The following PCDHA5 variants were observed in gnomAD, a reference collection of about 807,000 sequenced individuals.
PCDHA5 encodes protocadherin alpha 5.
A neutral mutation model predicts 61.6 loss-of-function variants in PCDHA5; 43 were observed. The ratio of observed to expected loss-of-function variants is 0.70; its 90% CI spans 0.55 to 0.90. The LOEUF (loss-of-function observed/expected upper bound fraction) is 0.90, where lower values mean the gene tolerates loss of function less well. Ranked by LOEUF, PCDHA5 falls within the 40% of genes least tolerant of loss-of-function variation. PCDHA5 has a pLI of 0.00. For synonymous variants in PCDHA5, 627 were observed against 543.9 expected (o/e 1.15, Z -2.13); for missense variants, 1,298 against 1,222.7 (o/e 1.06, Z -0.92).
chr5:140,876,312 G>C (rs557901977), intron 1 of PCDHA5: 1 of 1,614,036 alleles, frequency 6.2e-7, no homozygotes. Context: ...TTTCCTATGG[G>C]ATCAAAATGA....
At chr5:141,007,804 A>G (rs966389410) in intron 3 of PCDHA5, among the ~76,000 whole-genome samples, 1 of 152,204 alleles carries the variant, frequency 6.6e-6, no homozygotes, top group Non-Finnish European at 1.5e-5. Context: ...TTTATCTGCC[A>G]TTCATTTGCC....
At chr5:140,835,755 C>G (rs782724807) in intron 1 of PCDHA5, 1 of 1,613,410 alleles carries the variant, frequency 6.2e-7, no homozygotes, top group Non-Finnish European at 8.5e-7. Flanking sequence ...GTTCGCGCAG[C>G]CCGAGTATAC....
intron 1 of PCDHA5, among the ~76,000 whole-genome samples, chr5:140,915,680 A>G (rs2077249777): frequency 6.6e-6 from 1 of 150,862 alleles, no homozygotes; most frequent in South Asian, 2.1e-4. Context: ...ATCTTGAACT[A>G]GGGGTATGGT....
chr5:140,956,597 C>T (rs1015881961), intron 1 of PCDHA5, among the ~76,000 whole-genome samples: 1 of 152,054 alleles, frequency 6.6e-6, no homozygotes, highest in African/African-American at 2.4e-5. Flanking sequence ...TCAGGGATAT[C>T]AGCTGGAAGT....
chr5:140,969,536 C>A, intron 1 of PCDHA5: 1 of 1,332,634 alleles, frequency 7.5e-7, no homozygotes, highest in South Asian at 1.6e-5. Flanking sequence ...TTTTCATTTT[C>A]AGAGGCATGA....
chr5:140,919,609 CT>C (rs2079218169), intron 1 of PCDHA5, among the ~76,000 whole-genome samples: 2 of 151,908 alleles, frequency 1.3e-5, no homozygotes, highest in South Asian at 4.1e-4. Flanking sequence ...AAATTTTAAA[CT>C]GTATCTTTTG....
Position 141,011,605 on chromosome 5 carries a change from T to C in PCDHA5, c.*1668T>C, listed in dbSNP as rs971128266. On this transcript the variant is annotated 3_prime_UTR_variant, in exon 4 of 4. Coordinates refer to ENST00000529859, the MANE Select transcript of PCDHA5 (RefSeq NM_018908.3). The stretch of plus-strand genomic sequence containing the variant: ...AAGATACTGGTGATTCAAGGAATTT[T>C]ATTTATGGTCCAGCCAAGAGCCATC... 4 of 153,780 alleles carry C rather than the reference T, an allele frequency of 2.6e-5. No homozygotes were observed. Among genetic ancestry groups the C allele is most frequent in the Non-Finnish European group, 4.4e-5 (3 of 68,032 alleles). 9.5% of individuals were successfully genotyped at this position (153,780 alleles called of 1,614,324 possible). A position where few individuals can be genotyped will look rare whatever the true frequency, so the allele number is the denominator to read the frequency against.
intron 1 of PCDHA5, chr5:140,871,653 C>G (rs2053243834): frequency 3.2e-6 from 4 of 1,244,250 alleles, no homozygotes; most frequent in Non-Finnish European, 4.4e-6. Flanking sequence ...CCAAATGATA[C>G]ACATCTTCAG....
At chr5:140,843,680 G>A (rs2150364967) in intron 1 of PCDHA5, 1 of 1,588,882 alleles carries the variant, frequency 6.3e-7, no homozygotes, top group Non-Finnish European at 8.6e-7. Context: ...TGATGTAGGC[G>A]AAGAGCAAGA....
chr5:140,862,911 G>A (rs781861917), intron 1 of PCDHA5: 3 of 549,326 alleles, frequency 5.5e-6, no homozygotes, highest in Admixed American at 3.9e-5. Context: ...CGCTGCTGGC[G>A]CCTTGGGTGG....
intron 1 of PCDHA5, chr5:140,841,844 C>T: frequency 6.2e-7 from 1 of 1,613,842 alleles, no homozygotes; most frequent in Non-Finnish European, 8.5e-7. Flanking sequence ...GCTTAGCTCT[C>T]ATGATTACTT....
intron 2 of PCDHA5, among the ~76,000 whole-genome samples, chr5:140,981,682 C>T (rs2096944253): frequency 6.6e-6 from 1 of 151,668 alleles, no homozygotes; most frequent in South Asian, 2.1e-4. Flanking sequence ...TCCTTCCTCC[C>T]TTCCATCATT....
chr5:140,833,591 A>G (rs1562331795), intron 1 of PCDHA5, among the ~76,000 whole-genome samples: 1 of 152,352 alleles, frequency 6.6e-6, no homozygotes, highest in East Asian at 1.9e-4. Context: ...AACAGTATAT[A>G]TAGATTCTGC....
chr5:140,955,647 T>G (rs1395732517), intron 1 of PCDHA5, among the ~76,000 whole-genome samples: 1 of 152,116 alleles, frequency 6.6e-6, no homozygotes, highest in Non-Finnish European at 1.5e-5. Context: ...AACAAATTAA[T>G]ACACATATGA....
At chr5:140,899,974 C>A (rs2067653485) in intron 1 of PCDHA5, among the ~76,000 whole-genome samples, 1 of 151,766 alleles carries the variant, frequency 6.6e-6, no homozygotes, top group Non-Finnish European at 1.5e-5. Context: ...TGCCCAGCTA[C>A]TTTTTTGATT....
intron 1 of PCDHA5, chr5:140,870,875 C>A (rs1235290760): frequency 6.2e-7 from 1 of 1,613,912 alleles, no homozygotes; most frequent in Non-Finnish European, 8.5e-7. Flanking sequence ...CACGTGGTGG[C>A]GAAGGTGCGC....
At chr5:140,830,260 C>T in intron 1 of PCDHA5, 1 of 1,613,632 alleles carries the variant, frequency 6.2e-7, no homozygotes, top group Non-Finnish European at 8.5e-7. Context: ...CGCTGCGGTG[C>T]TCGGCGCCAC....
At chr5:140,947,767 C>A (rs1585277827) in intron 1 of PCDHA5, among the ~76,000 whole-genome samples, 1 of 151,486 alleles carries the variant, frequency 6.6e-6, no homozygotes, top group East Asian at 1.9e-4. Context: ...TTAAAAAATT[C>A]TATTGTAAAT....
chr5:140,848,221 A>T, intron 1 of PCDHA5: 1 of 378,712 alleles, frequency 2.6e-6, no homozygotes, highest in Non-Finnish European at 4.7e-6. Context: ...AGAAAAAATT[A>T]AGAAAATGAA....
Sources: gnomAD v4.1 joint callset for allele counts (sites outside exome capture counted in the v4.1 genomes callset) on GRCh38, gnomAD v4.1.1 for gene constraint, MANE v1.5 for transcripts, NCBI Gene and HGNC (gene_info 2026-07-23, HGNC 2026-07-21) for gene names.